RBFOX1: variants seen among roughly 807,000 people sequenced by gnomAD.
RBFOX1 encodes the protein RNA binding fox-1 homolog 1.
A neutral mutation model predicts 57.7 loss-of-function variants in RBFOX1; 8 were observed. The observed-to-expected ratio is 0.14, with a 90% CI of 0.08 to 0.25. The LOEUF (loss-of-function observed/expected upper bound fraction) is 0.25, where lower values mean the gene tolerates loss of function less well. Ranked by LOEUF, RBFOX1 falls within the 10% of genes least tolerant of loss-of-function variation. The pLI, the probability that RBFOX1 is intolerant of heterozygous loss-of-function variation, is 1.00. For synonymous variants in RBFOX1, 326 were observed against 222.4 expected (o/e 1.47, Z -4.15); for missense variants, 611 against 548.5 (o/e 1.11, Z -1.14).
chr16:5,837,852 AG>A (rs1232297939), intron 3 of RBFOX1, among the ~76,000 whole-genome samples: 4 of 152,078 alleles, frequency 2.6e-5, no homozygotes, highest in Non-Finnish European at 4.4e-5. Flanking sequence ...GTGGCATAGA[AG>A]TCTGTTCTCA....
intron 4 of RBFOX1, among the ~76,000 whole-genome samples, chr16:5,982,149 A>C (rs573588329): frequency 6.6e-6 from 1 of 152,096 alleles, no homozygotes; most frequent in Non-Finnish European, 1.5e-5. Flanking sequence ...GGTCCCATTG[A>C]CCCTCTGACT....
At position 6,184,727 on chromosome 16, in the gene RBFOX1, T is replaced by A. The variant is rs1201954989; in HGVS notation, c.-126-132268T>A. Among the ~76,000 whole-genome samples the A allele has an allele frequency of 1.7e-4, 7 of 41,346 alleles. No homozygotes were observed. The East Asian group carries it at 0.012, about 68-fold the overall frequency. The allele number at this position is 41,346 out of a possible 152,430, so 27.1% of individuals were successfully genotyped here. ...GGTGGCTGCCACCATGCCTGGCTCA[T>A]TTTTTTTTTTTTTGTATTTTTAGTA... On this transcript the variant is annotated intron_variant, in intron 1 of 15. Coordinates refer to ENST00000550418, the MANE Select transcript of RBFOX1 (RefSeq NM_018723.4).
intron 6 of RBFOX1, among the ~76,000 whole-genome samples, chr16:7,585,465 G>C (rs977489976): frequency 1.3e-4 from 20 of 152,154 alleles, no homozygotes; most frequent in Non-Finnish European, 2.8e-4. Flanking sequence ...TCTCTTCTGA[G>C]TATTTTCTCT....
intron 4 of RBFOX1, among the ~76,000 whole-genome samples, chr16:7,467,115 A>C (rs887903987): frequency 6.6e-6 from 1 of 152,250 alleles, no homozygotes; most frequent in Admixed American, 6.5e-5. Context: ...GATAAGTAAC[A>C]CAAGCATCTA....
intron 3 of RBFOX1, among the ~76,000 whole-genome samples, chr16:6,738,293 C>A (rs2071004982): frequency 6.6e-6 from 1 of 151,918 alleles, no homozygotes; most frequent in African/African-American, 2.4e-5. Flanking sequence ...TTAAGAGTTT[C>A]CATAAGGAGA....
intron 5 of RBFOX1, among the ~76,000 whole-genome samples, chr16:7,522,070 C>T (rs904252171): frequency 6.6e-6 from 1 of 152,166 alleles, no homozygotes; most frequent in Non-Finnish European, 1.5e-5. Context: ...GAGGCTGGTA[C>T]TGAGTGTCCC....
chr16:5,274,970 C>T (rs183050732), intron 1 of RBFOX1, among the ~76,000 whole-genome samples: 13 of 152,268 alleles, frequency 8.5e-5, no homozygotes, highest in Non-Finnish European at 1.8e-4. Context: ...GTACTAAGAC[C>T]GGAGATAGCT....
At chr16:7,198,615 A>G (rs1215295706) in intron 4 of RBFOX1, among the ~76,000 whole-genome samples, 1 of 152,166 alleles carries the variant, frequency 6.6e-6, no homozygotes, top group African/African-American at 2.4e-5. Flanking sequence ...ACTGCATATC[A>G]CATGGGCTTT....
intron 3 of RBFOX1, among the ~76,000 whole-genome samples, chr16:6,967,978 G>T (rs555049839): frequency 1.7e-4 from 26 of 152,308 alleles, no homozygotes; most frequent in African/African-American, 6.0e-4. Flanking sequence ...GAGGTTGGCA[G>T]TTCTGCTGAT....
intron 5 of RBFOX1, among the ~76,000 whole-genome samples, chr16:7,577,595 C>T (rs2093435894): frequency 6.6e-6 from 1 of 152,354 alleles, no homozygotes; most frequent in South Asian, 2.1e-4. Context: ...GTGATTGCCT[C>T]TTATCCCAAC....
chr16:6,666,346 C>G (rs144702659), intron 3 of RBFOX1, among the ~76,000 whole-genome samples: 2,367 of 152,124 alleles, frequency 0.016, 37 homozygotes, highest in Non-Finnish European at 0.023. Flanking sequence ...CCAGCCTGGC[C>G]AACATGATGA....
At chr16:5,640,793 C>T (rs1053076419) in intron 3 of RBFOX1, among the ~76,000 whole-genome samples, 3 of 150,262 alleles carry the variant, frequency 2.0e-5, no homozygotes, top group African/African-American at 7.3e-5. Context: ...ACCATGCATA[C>T]ACACACATAT....
intron 1 of RBFOX1, among the ~76,000 whole-genome samples, chr16:6,242,603 A>G (rs1029107818): frequency 6.9e-6 from 1 of 144,374 alleles, no homozygotes; most frequent in African/African-American, 2.6e-5. Context: ...ATTTACGTTC[A>G]GTTTGAGAGA....
At chr16:5,789,191 G>T in intron 3 of RBFOX1, among the ~76,000 whole-genome samples, 1 of 152,208 alleles carries the variant, frequency 6.6e-6, no homozygotes, top group African/African-American at 2.4e-5. Context: ...GTGAATTGAA[G>T]CATTTGTCTT....
intron 2 of RBFOX1, among the ~76,000 whole-genome samples, chr16:5,531,259 G>T (rs932118893): frequency 1.3e-5 from 2 of 152,218 alleles, no homozygotes; most frequent in African/African-American, 4.8e-5. Flanking sequence ...CTCCAGCAAA[G>T]GGATGGGGTG....
At chr16:6,712,171 A>C (rs955728282) in intron 3 of RBFOX1, among the ~76,000 whole-genome samples, 1 of 152,320 alleles carries the variant, frequency 6.6e-6, no homozygotes. Flanking sequence ...AATGAACAGT[A>C]GCCATCATCA....
chr16:5,970,418 G>A (rs376011596), intron 4 of RBFOX1, among the ~76,000 whole-genome samples: 2 of 151,988 alleles, frequency 1.3e-5, no homozygotes, highest in East Asian at 3.9e-4. Context: ...CATTTTTTTG[G>A]GATTAAAACC....
At chr16:6,861,487 T>TCCCCCC (rs34048714) in intron 3 of RBFOX1, among the ~76,000 whole-genome samples, 1 of 133,802 alleles carries the variant, frequency 7.5e-6, no homozygotes, top group Non-Finnish European at 1.6e-5. Flanking sequence ...CCCAACCCCC[T>TCCCCCC]CCCCCCCCGA....
intron 1 of RBFOX1, among the ~76,000 whole-genome samples, chr16:5,365,179 T>C (rs1458273657): frequency 2.0e-5 from 3 of 152,136 alleles, no homozygotes; most frequent in Non-Finnish European, 4.4e-5. Context: ...TACCGCTTCG[T>C]GGAGGTCCGC....
Sources: gnomAD v4.1 joint callset for allele counts (sites outside exome capture counted in the v4.1 genomes callset) on GRCh38, gnomAD v4.1.1 for gene constraint, MANE v1.5 for transcripts, NCBI Gene and HGNC (gene_info 2026-07-23, HGNC 2026-07-21) for gene names.